GLCE: variants seen among roughly 807,000 people sequenced by gnomAD.
GLCE encodes the protein D-glucuronyl C5-epimerase.
A neutral mutation model predicts 47.9 loss-of-function variants in GLCE; 19 were observed. The ratio of observed to expected loss-of-function variants is 0.40; its 90% CI spans 0.28 to 0.58. The LOEUF is 0.58. GLCE is among the 20% of genes least tolerant of loss of function. The pLI, the probability that GLCE is intolerant of heterozygous loss-of-function variation, is 0.48. For synonymous variants in GLCE, 245 were observed against 263.4 expected, an observed-to-expected ratio of 0.93 and a Z score of 0.68; for missense variants, 556 against 743.3, an observed-to-expected ratio of 0.75 and a Z score of 2.93.
Position 69,261,276 on chromosome 15 carries a change from C to G in GLCE, c.776C>G (p.Ala259Gly). Reference protein sequence around the residue: ...DWTVPKGCFMANVADKSRFTN... With the variant: ...DWTVPKGCFMGNVADKSRFTN... ...ACTGTGCCAAAGGGCTGCTTTATGG[C>G]GAATGTGGCTGATAAGTCTAGATTC... Residue 259 changes from alanine to glycine, a missense_variant, in exon 4 of 5, where the codon GCG becomes GGG. This residue lies in a region of GLCE where 74 missense variants were observed against 64.4 expected (regional missense o/e 1.15). Transcript: ENST00000261858. 1.9e-6 allele frequency: 3 copies of G among 1,613,826 alleles called. No individual in the cohort carries two copies. The South Asian group carries it at 3.3e-5, about 18-fold the overall frequency.
chr15:69,168,289 G>T (rs2051535247), intron 1 of GLCE, among the ~76,000 whole-genome samples: 1 of 152,026 alleles, frequency 6.6e-6, no homozygotes, highest in South Asian at 2.1e-4. Context: ...TAAATTAAAT[G>T]AAAAATTAAA....
At chr15:69,198,060 T>C (rs890517669) in intron 1 of GLCE, among the ~76,000 whole-genome samples, 13 of 152,194 alleles carry the variant, frequency 8.5e-5, no homozygotes, top group Non-Finnish European at 1.3e-4. Context: ...TGAGCCTTTT[T>C]ATATACATAT....
intron 1 of GLCE, among the ~76,000 whole-genome samples, chr15:69,168,202 G>C (rs1012424081): frequency 2.4e-4 from 37 of 152,154 alleles, no homozygotes; most frequent in African/African-American, 8.7e-4. Flanking sequence ...GGAGGCCGAG[G>C]TTGGAGGATT....
At chr15:69,173,193 T>A (rs2051612920) in intron 1 of GLCE, among the ~76,000 whole-genome samples, 1 of 152,206 alleles carries the variant, frequency 6.6e-6, no homozygotes, top group South Asian at 2.1e-4. Context: ...TCTAGCTTAG[T>A]TCTGTTCTGT....
intron 2 of GLCE, among the ~76,000 whole-genome samples, chr15:69,248,095 A>G (rs1204863795): frequency 6.6e-6 from 1 of 152,202 alleles, no homozygotes; most frequent in Non-Finnish European, 1.5e-5. Context: ...GATCATTTCA[A>G]TTTTGTTACT....
rs2052213861 is a variant in GLCE at position 69,210,340 on chromosome 15, T to C, written c.-80T>C. The C allele has an allele frequency of 6.6e-6, 1 of 152,130 alleles. No homozygotes were observed. Among genetic ancestry groups the C allele is most frequent in the African/African-American group, 2.4e-5 (1 of 41,454 alleles). 9.4% of individuals were successfully genotyped at this position (152,130 alleles called of 1,614,324 possible). On this transcript the variant is annotated 5_prime_UTR_variant, in exon 2 of 5. Transcript: ENST00000261858. Reference sequence around the variant, plus strand: ...GGAATTTGACAAGAAACTGAAGTTTTGATTCAGATATATTTTGAATTGAAA... The same window carrying C: ...GGAATTTGACAAGAAACTGAAGTTTCGATTCAGATATATTTTGAATTGAAA...
Position 69,269,111 on chromosome 15 carries a change from C to T in GLCE, c.1721C>T (p.Ala574Val), listed in dbSNP as rs1424921639. Residue 574 changes from alanine (A) to valine (V), a missense_variant, in exon 5 of 5, where the codon GCT becomes GTT. Ala to Val is a moderately conservative substitution (Grantham distance 64). Around this residue, in one of 3 missense-constraint regions of GLCE, gnomAD observed 245 missense variants for 368.1 expected, o/e 0.67. Transcript: ENST00000261858. ...HFMLGIAPNLARWDYHTTHIN... is the reference protein window; with the variant it reads ...HFMLGIAPNLVRWDYHTTHIN... ...ATGCTTGGCATCGCTCCTAACCTGG[C>T]TCGCTGGGACTATCATACCACCCAC... is the stretch of plus-strand genomic sequence containing the variant. 2 of 1,614,032 alleles carry T rather than the reference C, an allele frequency of 1.2e-6. No homozygotes were observed. The highest frequency in any genetic ancestry group is 2.2e-5 in the East Asian group (1 of 44,876).
intron 2 of GLCE, among the ~76,000 whole-genome samples, chr15:69,210,796 G>A (rs1038200803): frequency 6.6e-6 from 1 of 152,094 alleles, no homozygotes; most frequent in African/African-American, 2.4e-5. Context: ...GGTAAATAAA[G>A]TTTATTGGAA....
At position 69,161,835 on chromosome 15, in the gene GLCE, CT is replaced by C. The variant is rs1188094305; in HGVS notation, c.-105+1081del. Among the ~76,000 whole-genome samples the C allele has an allele frequency of 2.0e-5, 3 of 152,274 alleles. No homozygotes were observed. In the East Asian group the frequency reaches 5.8e-4, roughly 29 times the overall value. ...TAGGTGGGCGTTTGGTCTGCAGGTT[CT>C]TTAGGAGGCCGGTGTCCGCAGGTTG... On this transcript the variant is annotated intron_variant, in intron 1 of 4. Transcript: ENST00000261858.
intron 2 of GLCE, among the ~76,000 whole-genome samples, chr15:69,237,459 A>C (rs1365478018): frequency 6.6e-6 from 1 of 152,050 alleles, no homozygotes; most frequent in African/African-American, 2.4e-5. Context: ...TCAGCCAAGC[A>C]TGGTGGCGCA....
At chr15:69,258,629 G>T (rs1473198635) in intron 3 of GLCE, among the ~76,000 whole-genome samples, 1 of 151,954 alleles carries the variant, frequency 6.6e-6, no homozygotes, top group Admixed American at 6.6e-5. Flanking sequence ...TATTTATGGG[G>T]TGTATTAGAT....
intron 1 of GLCE, among the ~76,000 whole-genome samples, chr15:69,186,754 C>T (rs914864118): frequency 1.3e-5 from 2 of 152,162 alleles, no homozygotes. Flanking sequence ...TGCCCCTTTT[C>T]TGGCTAAAGC....
intron 1 of GLCE, among the ~76,000 whole-genome samples, chr15:69,181,755 G>A (rs889568982): frequency 1.6e-4 from 24 of 152,080 alleles, no homozygotes; most frequent in African/African-American, 5.6e-4. Context: ...GAAGAGGGAG[G>A]GAGAGAAATA....
chr15:69,165,505 C>CTT (rs1172987241), intron 1 of GLCE, among the ~76,000 whole-genome samples: 1,233 of 84,568 alleles, frequency 0.015, 53 homozygotes, highest in African/African-American at 0.055. Flanking sequence ...GCACTGTCTG[C>CTT]TTTTTTTTTT....
intron 2 of GLCE, among the ~76,000 whole-genome samples, chr15:69,255,508 A>AG (rs2052908333): frequency 6.6e-6 from 1 of 152,102 alleles, no homozygotes; most frequent in Admixed American, 6.5e-5. Context: ...CTTTTGGCCT[A>AG]GGGGGCATTG....
chr15:69,212,672 C>T (rs1457817955), intron 2 of GLCE, among the ~76,000 whole-genome samples: 2 of 152,034 alleles, frequency 1.3e-5, no homozygotes, highest in Non-Finnish European at 2.9e-5. Context: ...AGAATGTCAG[C>T]TTTTTAACTT....
intron 2 of GLCE, among the ~76,000 whole-genome samples, chr15:69,251,830 G>T (rs1237719542): frequency 1.3e-5 from 2 of 152,110 alleles, no homozygotes; most frequent in South Asian, 2.1e-4. Flanking sequence ...TGATTCCTGT[G>T]TCTTTTTGCC....
intron 1 of GLCE, among the ~76,000 whole-genome samples, chr15:69,183,036 T>C (rs2051772980): frequency 6.6e-6 from 1 of 151,832 alleles, no homozygotes; most frequent in South Asian, 2.1e-4. Flanking sequence ...TTTGGAAGGG[T>C]TGCATTTATT....
Position 69,268,211 on chromosome 15 carries a change from C to T in GLCE, c.830-9C>T, listed in dbSNP as rs373057192. 1.2e-4 allele frequency: 185 copies of T among 1,558,820 alleles called. No homozygotes were observed. Among genetic ancestry groups the T allele is most frequent in the Non-Finnish European group, 1.5e-4 (177 of 1,147,894 alleles). On this transcript the variant is annotated splice_polypyrimidine_tract_variant and intron_variant, in intron 4 of 4. Transcript: ENST00000261858. Reference sequence around the variant, plus strand: ...TAACCAGTCTTTGTTGGTATATTCTCCCCTACAGAAACCAGTGAAGGTGTA... The same window carrying T: ...TAACCAGTCTTTGTTGGTATATTCTTCCCTACAGAAACCAGTGAAGGTGTA...
Sources: allele counts gnomAD v4.1 joint callset (sites outside exome capture counted in the v4.1 genomes callset), GRCh38; gene constraint gnomAD v4.1.1; regional missense constraint gnomAD v4.1.1; transcripts MANE v1.5; gene names NCBI Gene and HGNC (gene_info 2026-07-23, HGNC 2026-07-21).